USP6NL: variants seen among roughly 807,000 people sequenced by gnomAD.
USP6NL encodes the protein USP6 N-terminal-like protein.
A neutral mutation model predicts 61.9 loss-of-function variants in USP6NL; 26 were observed. That is an observed-to-expected ratio of 0.42 (90% confidence interval 0.31 to 0.58). USP6NL has a LOEUF of 0.58. Among genes scored for constraint, USP6NL ranks in the 20% least tolerant of loss-of-function variants. USP6NL has a pLI of 0.16. For missense variants in USP6NL, 1,114 were observed against 1,034.3 expected (o/e 1.08, Z -1.06); for synonymous variants, 432 against 390.1 (o/e 1.11, Z -1.27).
chr10:11,507,042 G>C (rs1821431166), intron 6 of USP6NL, among the ~76,000 whole-genome samples: 2 of 152,160 alleles, frequency 1.3e-5, no homozygotes, highest in Admixed American at 1.3e-4. Flanking sequence ...ATCGGAGAGT[G>C]CTTCAAAATT....
chr10:11,586,807 A>G (rs548532860), intron 2 of USP6NL, among the ~76,000 whole-genome samples: 1 of 151,856 alleles, frequency 6.6e-6, no homozygotes, highest in African/African-American at 2.4e-5. Flanking sequence ...CTAAACTTAA[A>G]ATCTTCTCTA....
chr10:11,522,196 T>G (rs1390518632), intron 4 of USP6NL, among the ~76,000 whole-genome samples: 2 of 152,266 alleles, frequency 1.3e-5, no homozygotes, highest in Admixed American at 1.3e-4. Context: ...TAATAACAGG[T>G]AATTTAAGTT....
rs1833175964 is a variant in USP6NL, at chr10:11,481,046, G to A, written c.1078+724C>T. 6.6e-6 allele frequency among the ~76,000 whole-genome samples: 1 copy of A among 151,878 alleles called. No homozygotes were observed. On this transcript the variant is annotated intron_variant, in intron 14 of 14. Coordinates refer to ENST00000609104, the MANE Select transcript of USP6NL (RefSeq NM_014688.5). This position sits in a 1 kb window ranked among gnomAD's most constrained non-coding sequence, Gnocchi z 4.4. ...CTTCTGCTCCTCTCCCATTTACCCT[G>A]CGGCTAGCTCTAGTAATGCCCCATT...
chr10:11,519,367 C>T (rs575202742), intron 4 of USP6NL, among the ~76,000 whole-genome samples: 66 of 152,320 alleles, frequency 4.3e-4, no homozygotes, highest in African/African-American at 1.5e-3. Flanking sequence ...CGGTGGCTCA[C>T]GCCTGTAATC....
intron 2 of USP6NL, among the ~76,000 whole-genome samples, chr10:11,578,902 A>G (rs941809698): frequency 6.6e-6 from 1 of 152,194 alleles, no homozygotes; most frequent in African/African-American, 2.4e-5. Flanking sequence ...CGTTTATATC[A>G]GCTTGCTGGT....
rs776453883 is a variant in USP6NL, at chr10:11,462,639, T to C, written c.2289A>G (p.Lys763=). ...TRDASRGNLP[K]YSAFQLAPFQ... ...AGGGTGCGAGTTGAAAGGCTGAGTA[T>C]TTTGGTAAATTGCCACGGCTAGCAT... The change falls in exon 15 of 15, where the codon AAA becomes AAG. Residue 763 remains lysine (K), a synonymous_variant. Coordinates refer to ENST00000609104, the MANE Select transcript of USP6NL (RefSeq NM_014688.5). 6.2e-7 allele frequency: 1 copy of C among 1,614,034 alleles called. No individual in the cohort carries two copies. Among genetic ancestry groups the C allele is most frequent in the Non-Finnish European group, 8.5e-7 (1 of 1,179,904 alleles).
chr10:11,483,411 T>C (rs1285954868), intron 13 of USP6NL, among the ~76,000 whole-genome samples: 1 of 144,900 alleles, frequency 6.9e-6, no homozygotes, highest in African/African-American at 2.6e-5. Context: ...GAGGGAACAT[T>C]AAGCTAATGT....
At chr10:11,492,694 T>A (rs560525582) in intron 8 of USP6NL, among the ~76,000 whole-genome samples, 1 of 152,366 alleles carries the variant, frequency 6.6e-6, no homozygotes, top group Admixed American at 6.5e-5. Flanking sequence ...GTACTTTTCA[T>A]TTATAAGTTG....
chr10:11,519,736 A>T (rs1413609306), intron 4 of USP6NL, among the ~76,000 whole-genome samples: 1 of 152,242 alleles, frequency 6.6e-6, no homozygotes, highest in African/African-American at 2.4e-5. Context: ...TTTCTGACAC[A>T]GTATATTTGT....
At chr10:11,522,584 T>C (rs573231504) in intron 4 of USP6NL, among the ~76,000 whole-genome samples, 1 of 152,352 alleles carries the variant, frequency 6.6e-6, no homozygotes, top group South Asian at 2.1e-4. Context: ...TGCTTCATTA[T>C]GTTCATCTGT....
chr10:11,555,451 T>TATATATATATATAGAGAG (rs1427219382), intron 2 of USP6NL, among the ~76,000 whole-genome samples: 2 of 61,006 alleles, frequency 3.3e-5, no homozygotes, highest in Admixed American at 2.4e-4. Flanking sequence ...TATATATATA[T>TATATATATATATAGAGAG]AGAGAGAGAG....
Position 11,546,226 on chromosome 10 carries a change from G to A in USP6NL, c.5-18659C>T, listed in dbSNP as rs74116273. Among the ~76,000 whole-genome samples, 638 of 152,242 alleles carry A rather than the reference G, an allele frequency of 4.2e-3. 4 individuals are homozygous for A. The highest frequency in any genetic ancestry group is 0.015 in the African/African-American group (623 of 41,526). Reference sequence around the variant, plus strand: ...TACCATAAGAGATGTGTTCACCACAGGACCATACCAGCAGTGAGAGAAAGG... The same window carrying A: ...TACCATAAGAGATGTGTTCACCACAAGACCATACCAGCAGTGAGAGAAAGG... On this transcript the variant is annotated intron_variant, in intron 2 of 14. Transcript: ENST00000609104.
Position 11,496,330 on chromosome 10 carries a change from C to T in USP6NL, c.385-3102G>A, listed in dbSNP as rs1023141258. Reference sequence around the variant, plus strand: ...TGCAGTTGGCAATTACCAAGCCTTACGGAGATTCTGAGCTACTAATCAGGT... The same window carrying T: ...TGCAGTTGGCAATTACCAAGCCTTATGGAGATTCTGAGCTACTAATCAGGT... On this transcript the variant is annotated intron_variant, in intron 7 of 14. Transcript: ENST00000609104. This position sits in a 1 kb window ranked among gnomAD's most constrained non-coding sequence, Gnocchi z 5.4. Among the ~76,000 whole-genome samples the T allele has an allele frequency of 2.0e-5, 3 of 152,236 alleles. No individual in the cohort carries two copies. Among genetic ancestry groups the T allele is most frequent in the Non-Finnish European group, 2.9e-5 (2 of 68,046 alleles).
chr10:11,525,807 C>A lies in USP6NL; in HGVS notation c.73-339G>T, dbSNP rs1054206170. 1.3e-5 allele frequency among the ~76,000 whole-genome samples: 2 copies of A among 152,176 alleles called. No homozygotes were observed. The highest frequency in any genetic ancestry group is 2.4e-5 in the African/African-American group (1 of 41,440). ...AGCCACTCCAGAAGAAACTGCCGAA[C>A]CTTACAGTTCTAGACCAAACACGTC... On this transcript the variant is annotated intron_variant, in intron 3 of 14. Coordinates refer to ENST00000609104, the MANE Select transcript of USP6NL (RefSeq NM_014688.5). This position sits in a 1 kb window ranked among gnomAD's most constrained non-coding sequence, Gnocchi z 5.0.
chr10:11,471,622 T>C (rs1385799666), intron 14 of USP6NL, among the ~76,000 whole-genome samples: 1 of 152,160 alleles, frequency 6.6e-6, no homozygotes, highest in Non-Finnish European at 1.5e-5. Flanking sequence ...GTGGCACATA[T>C]ACACCACGGA....
chr10:11,466,697 C>T (rs954403576), intron 14 of USP6NL, among the ~76,000 whole-genome samples: 1 of 152,162 alleles, frequency 6.6e-6, no homozygotes, highest in Admixed American at 6.5e-5. Flanking sequence ...ATTTCATCAC[C>T]GTGTGAACAT....
At chr10:11,469,949 A>C (rs976452559) in intron 14 of USP6NL, among the ~76,000 whole-genome samples, 1 of 152,146 alleles carries the variant, frequency 6.6e-6, no homozygotes, top group Non-Finnish European at 1.5e-5. Flanking sequence ...CCATCTACAC[A>C]TTTCTCCCAC....
intron 14 of USP6NL, among the ~76,000 whole-genome samples, chr10:11,467,517 T>C (rs975545163): frequency 6.6e-6 from 1 of 152,242 alleles, no homozygotes; most frequent in African/African-American, 2.4e-5. Context: ...AGAAAACTTA[T>C]ATCCTCAGCA....
At position 11,611,240 on chromosome 10, in the gene USP6NL, G is replaced by A. The variant is rs1364475857; in HGVS notation, c.-84+203C>T. The A allele has an allele frequency of 6.6e-6, 1 of 151,748 alleles. No individual in the cohort carries two copies. Among genetic ancestry groups the A allele is most frequent in the East Asian group, 1.9e-4 (1 of 5,132 alleles). 9.4% of individuals were successfully genotyped at this position (151,748 alleles called of 1,614,324 possible). ...CCGCGGACCCCACGCTCCGGGCGCG[G>A]GGACACACAGGCAGCCCCCGCACTG... On this transcript the variant is annotated intron_variant, in intron 1 of 14. Transcript: ENST00000609104. This position sits in a 1 kb window ranked among gnomAD's most constrained non-coding sequence, Gnocchi z 5.3.
Sources: gnomAD v4.1 joint callset for allele counts (sites outside exome capture counted in the v4.1 genomes callset) on GRCh38, gnomAD v4.1.1 for gene constraint, Gnocchi (gnomAD v3.1) non-coding constraint, MANE v1.5 for transcripts, NCBI Gene and HGNC (gene_info 2026-07-23, HGNC 2026-07-21) for gene names.